Variants in TRAPPC9 observed in about 807,000 individuals in gnomAD.
TRAPPC9 encodes the protein IKK2 binding protein.
Under a neutral mutation model 124.0 loss-of-function variants are expected in TRAPPC9, and 83 were observed. That is an observed-to-expected ratio of 0.67 (90% CI 0.56 to 0.80). The LOEUF is 0.80. Among genes scored for constraint, TRAPPC9 ranks in the 30% least tolerant of loss-of-function variants. TRAPPC9 has a pLI of 0.00. For missense variants in TRAPPC9, 1,302 were observed against 1,508.3 expected (o/e 0.86, Z 2.27); for synonymous variants, 638 against 617.5 (o/e 1.03, Z -0.49).
Position 139,989,295 on chromosome 8 carries a change from C to T in TRAPPC9, c.2700-459G>A, listed in dbSNP as rs111946734. Among the ~76,000 whole-genome samples, 20 of 130,798 alleles carry T rather than the reference C, an allele frequency of 1.5e-4. 1 individual carries two copies. Among genetic ancestry groups the T allele is most frequent in the African/African-American group, 4.2e-4 (17 of 40,076 alleles). 85.8% of individuals were successfully genotyped at this position (130,798 alleles called of 152,430 possible). On this transcript the variant is annotated intron_variant, in intron 18 of 22. Coordinates refer to ENST00000438773, the MANE Select transcript of TRAPPC9 (RefSeq NM_001160372.4). Reference sequence around the variant, plus strand: ...CACGCTGGGCCCTGAAGCGTGGTGACGCATGTCCTGCTTGTGTGTGTGTGT... The same window carrying T: ...CACGCTGGGCCCTGAAGCGTGGTGATGCATGTCCTGCTTGTGTGTGTGTGT...
chr8:139,740,599 C>T (rs894475930), intron 21 of TRAPPC9, among the ~76,000 whole-genome samples: 36 of 152,204 alleles, frequency 2.4e-4, no homozygotes, highest in African/African-American at 8.7e-4. Flanking sequence ...AGAGAGGTGA[C>T]AGGAGCTGCC....
chr8:140,294,113 C>T lies in TRAPPC9; in HGVS notation c.1769-3035G>A, dbSNP rs996808786. ...AAGCAAGAAAACTGAGATTCGAACT[C>T]CAGTCTGTCTCCAAAACCTACACTC... On this transcript the variant is annotated intron_variant, in intron 11 of 22. Transcript: ENST00000438773. Among the ~76,000 whole-genome samples the T allele has an allele frequency of 3.9e-5, 6 of 152,160 alleles. No homozygotes were observed. In the South Asian group the frequency reaches 1.2e-3, roughly 32 times the overall value.
chr8:139,870,879 G>A (rs1021128203), intron 21 of TRAPPC9, among the ~76,000 whole-genome samples: 2 of 152,144 alleles, frequency 1.3e-5, no homozygotes, highest in Non-Finnish European at 1.5e-5. Context: ...TTAGTGCACT[G>A]GCTTGCAGGG....
chr8:140,133,538 C>T (rs2061241826), intron 17 of TRAPPC9, among the ~76,000 whole-genome samples: 2 of 152,204 alleles, frequency 1.3e-5, no homozygotes, highest in Admixed American at 6.5e-5. Context: ...GCTATTCAAT[C>T]CCGAATCAGA....
chr8:140,102,992 T>G (rs1023605618), intron 17 of TRAPPC9, among the ~76,000 whole-genome samples: 3 of 152,134 alleles, frequency 2.0e-5, no homozygotes, highest in Admixed American at 6.5e-5. Context: ...GGCATAATCC[T>G]GAGCAAACAA....
At chr8:139,968,233 C>T (rs908395821) in intron 19 of TRAPPC9, among the ~76,000 whole-genome samples, 4 of 152,096 alleles carry the variant, frequency 2.6e-5, no homozygotes, top group African/African-American at 7.2e-5. Context: ...TCTTTCATTA[C>T]GTAAAGCTGA....
intron 16 of TRAPPC9, among the ~76,000 whole-genome samples, chr8:140,240,142 T>C (rs1022168368): frequency 6.6e-6 from 1 of 152,188 alleles, no homozygotes; most frequent in Non-Finnish European, 1.5e-5. Flanking sequence ...ATGTTTTTTT[T>C]TCACCCTAGT....
In TRAPPC9 at chr8:140,257,121, T is replaced by A. The variant is rs1301250137; in HGVS notation, c.2279-4192A>T. 6.6e-6 allele frequency among the ~76,000 whole-genome samples: 1 copy of A among 152,214 alleles called. No individual in the cohort carries two copies. Among genetic ancestry groups the A allele is most frequent in the African/African-American group, 2.4e-5 (1 of 41,456 alleles). On this transcript the variant is annotated intron_variant, in intron 15 of 22. Transcript: ENST00000438773. This position sits in a 1 kb window ranked among gnomAD's most constrained non-coding sequence, Gnocchi z 4.6. ...CCGCCATAGTGCAGAGTAGTTAGCTTACAGCATACCCTTAGCTCCTCCCAA... is the reference window on the plus strand; with the variant it reads ...CCGCCATAGTGCAGAGTAGTTAGCTAACAGCATACCCTTAGCTCCTCCCAA...
chr8:140,266,201 A>G (rs769521463), intron 15 of TRAPPC9, among the ~76,000 whole-genome samples: 8 of 152,220 alleles, frequency 5.3e-5, no homozygotes, highest in Non-Finnish European at 1.0e-4. Context: ...TCACGCCTGT[A>G]ATACAGGACT....
intron 5 of TRAPPC9, among the ~76,000 whole-genome samples, chr8:140,406,289 G>GA (rs1180665877): frequency 7.2e-5 from 11 of 151,774 alleles, no homozygotes; most frequent in South Asian, 2.1e-4. Context: ...AACTCTGGCA[G>GA]AAAAAAAATA....
chr8:140,320,887 T>G (rs745526661), intron 9 of TRAPPC9, among the ~76,000 whole-genome samples: 4 of 152,154 alleles, frequency 2.6e-5, no homozygotes, highest in Non-Finnish European at 5.9e-5. Context: ...TCCAATAGCA[T>G]CCCACTGTCA....
intron 5 of TRAPPC9, among the ~76,000 whole-genome samples, chr8:140,425,436 T>C (rs1370404444): frequency 6.6e-6 from 1 of 152,132 alleles, no homozygotes; most frequent in Admixed American, 6.5e-5. Flanking sequence ...CCCCACAGAA[T>C]CTCCTCACTT....
intron 21 of TRAPPC9, among the ~76,000 whole-genome samples, chr8:139,875,826 TACTG>T (rs1349731650): frequency 1.3e-5 from 2 of 152,210 alleles, no homozygotes; most frequent in East Asian, 1.9e-4. Context: ...GCCTCAGAAG[TACTG>T]ACTAACACTG....
At position 139,984,575 on chromosome 8, in the gene TRAPPC9, G is replaced by A. The variant is rs891458077; in HGVS notation, c.2810+4151C>T. 6.6e-6 allele frequency among the ~76,000 whole-genome samples: 1 copy of A among 152,172 alleles called. No individual in the cohort carries two copies. ...TCAAGACACAAAGCCTGGAAGGACA[G>A]GGACCAGGTCTGAGGTCTGTAAGGT... On this transcript the variant is annotated intron_variant, in intron 19 of 22. Transcript: ENST00000438773. The surrounding 1 kb of genome is among the most constrained non-coding windows in gnomAD (Gnocchi z 4.3).
At chr8:140,324,009 G>A (rs1031642888) in intron 9 of TRAPPC9, among the ~76,000 whole-genome samples, 2 of 152,048 alleles carry the variant, frequency 1.3e-5, no homozygotes, top group Non-Finnish European at 2.9e-5. Context: ...AGCGATATAC[G>A]CTGTACCCAA....
At chr8:140,149,089 G>A (rs773175183) in intron 17 of TRAPPC9, among the ~76,000 whole-genome samples, 11 of 152,080 alleles carry the variant, frequency 7.2e-5, no homozygotes, top group Non-Finnish European at 1.3e-4. Flanking sequence ...GTCCTGTGGC[G>A]CTAATACATA....
chr8:139,994,486 T>C (rs1358822340), intron 18 of TRAPPC9, among the ~76,000 whole-genome samples: 1 of 152,178 alleles, frequency 6.6e-6, no homozygotes, highest in African/African-American at 2.4e-5. Context: ...AGAAGGCAGT[T>C]AGAATATTCC....
intron 21 of TRAPPC9, among the ~76,000 whole-genome samples, chr8:139,830,875 G>A (rs888041213): frequency 1.3e-5 from 2 of 152,204 alleles, no homozygotes; most frequent in Non-Finnish European, 2.9e-5. Flanking sequence ...TCCCGCCCAG[G>A]ACACCTGCTC....
intron 21 of TRAPPC9, among the ~76,000 whole-genome samples, chr8:139,858,036 G>A (rs912135769): frequency 6.6e-6 from 1 of 152,188 alleles, no homozygotes; most frequent in African/African-American, 2.4e-5. Context: ...CTTCCAAAAA[G>A]GCTACTCGAA....
Sources: gnomAD v4.1 joint callset for allele counts (sites outside exome capture counted in the v4.1 genomes callset) on GRCh38, gnomAD v4.1.1 for gene constraint, Gnocchi (gnomAD v3.1) non-coding constraint, MANE v1.5 for transcripts, NCBI Gene and HGNC (gene_info 2026-07-23, HGNC 2026-07-21) for gene names.